The following ATG7 variants were observed in gnomAD, a reference collection of about 807,000 sequenced individuals.
The protein encoded by ATG7 is ubiquitin-like modifier-activating enzyme ATG7.
In ATG7, 70 loss-of-function variants were observed where a neutral mutation model predicts 82.4. The ratio of observed to expected loss-of-function variants is 0.85; its 90% CI spans 0.70 to 1.04. The LOEUF (loss-of-function observed/expected upper bound fraction) is 1.04, where lower values mean the gene tolerates loss of function less well. Among genes scored for constraint, ATG7 ranks in the 50% least tolerant of loss-of-function variants. The pLI is 0.00. For missense variants in ATG7, 792 were observed against 864.3 expected (o/e 0.92, Z 1.05); for synonymous variants, 287 against 313.0 (o/e 0.92, Z 0.88).
chr3:11,375,543 CTT>C (rs2077353224), intron 18 of ATG7, among the ~76,000 whole-genome samples: 1 of 138,306 alleles, frequency 7.2e-6, no homozygotes, highest in African/African-American at 2.6e-5. Context: ...AGCCCTCACA[CTT>C]TGCTAGTGAG....
At chr3:11,344,747 G>A (rs1451559120) in intron 13 of ATG7, among the ~76,000 whole-genome samples, 1 of 152,144 alleles carries the variant, frequency 6.6e-6, no homozygotes, top group African/African-American at 2.4e-5. Flanking sequence ...GCGCGTGCCT[G>A]TAGTTGCAGC....
chr3:11,560,385 A>G (rs1022384203), downstream of ATG7, among the ~76,000 whole-genome samples: 2 of 152,222 alleles, frequency 1.3e-5, no homozygotes, highest in African/African-American at 4.8e-5. Flanking sequence ...ATGTGGGCTA[A>G]GTTCCAGGAC....
intron 20 of ATG7, among the ~76,000 whole-genome samples, chr3:11,538,174 T>C (rs1338325734): frequency 1.3e-5 from 2 of 152,026 alleles, no homozygotes; most frequent in Non-Finnish European, 2.9e-5. Context: ...AGAGAGAGCA[T>C]GGGGGTTTTG....
intron 18 of ATG7, among the ~76,000 whole-genome samples, chr3:11,368,218 GT>G (rs1173807856): frequency 8.0e-6 from 1 of 125,002 alleles, no homozygotes; most frequent in African/African-American, 3.1e-5. Context: ...CATCAACAGT[GT>G]TCTTTTACTT....
At chr3:11,341,019 T>G (rs1953485411) in intron 12 of ATG7, among the ~76,000 whole-genome samples, 1 of 152,198 alleles carries the variant, frequency 6.6e-6, no homozygotes, top group Non-Finnish European at 1.5e-5. Flanking sequence ...GTTCAGTCCT[T>G]TATGCATTGT....
Position 11,315,446 on chromosome 3 carries a change from T to G in ATG7, c.631T>G (p.Ser211Ala). 6.2e-7 allele frequency: 1 copy of G among 1,612,500 alleles called. No individual in the cohort carries two copies. Among genetic ancestry groups the G allele is most frequent in the African/African-American group, 1.3e-5 (1 of 75,020 alleles). The change falls in exon 9 of 21, where the codon TCC becomes GCC. Residue 211 changes from serine to alanine, a missense_variant. Ser to Ala is a moderately conservative substitution (Grantham distance 99). Coordinates refer to ENST00000693202, the MANE Select transcript of ATG7 (RefSeq NM_001349232.2). ...IKYDENMVLV[S>A]LLKHYSDFFQ... Reference sequence around the variant, plus strand: ...GTATGATGAGAACATGGTGCTGGTTTCCTTGCTTAAACACTACAGTGATTT... The same window carrying G: ...GTATGATGAGAACATGGTGCTGGTTGCCTTGCTTAAACACTACAGTGATTT...
intron 20 of ATG7, among the ~76,000 whole-genome samples, chr3:11,539,169 C>A (rs1220931161): frequency 1.3e-5 from 2 of 152,018 alleles, no homozygotes; most frequent in African/African-American, 4.8e-5. Context: ...TGATGTGTAC[C>A]CTGCATCAGG....
intron 19 of ATG7, among the ~76,000 whole-genome samples, chr3:11,385,694 A>C (rs556676938): frequency 6.6e-6 from 1 of 152,328 alleles, no homozygotes; most frequent in Non-Finnish European, 1.5e-5. Context: ...GCAGAGGATG[A>C]CTTCTGAGTT....
intron 20 of ATG7, among the ~76,000 whole-genome samples, chr3:11,515,192 T>TGTCCC (rs2092230095): frequency 6.6e-6 from 1 of 152,172 alleles, no homozygotes; most frequent in Non-Finnish European, 1.5e-5. Context: ...TGAATTTTAG[T>TGTCCC]TTTAATTCAA....
intron 6 of ATG7, 110 bp downstream of exon 6, chr3:11,307,170 C>T (rs1427731710): frequency 6.4e-6 from 6 of 942,516 alleles, no homozygotes; most frequent in Non-Finnish European, 1.0e-5. Context: ...ATGAAGGGAA[C>T]TTAAAGACAC....
chr3:11,529,193 A>C (rs534789721), intron 20 of ATG7, among the ~76,000 whole-genome samples: 2 of 152,362 alleles, frequency 1.3e-5, no homozygotes, highest in East Asian at 3.9e-4. Context: ...GGGCACCTCC[A>C]AAGCCAGCCA....
In ATG7 at chr3:11,362,826, G is replaced by A. The variant is rs1222014699; in HGVS notation, c.1697G>A (p.Arg566Gln). Reference sequence around the variant, plus strand: ...GTTTCTTTGCAGTCAACCAGAGACCGGACCTTGGACCAGCAGTGCACTGTG... The same window carrying A: ...GTTTCTTTGCAGTCAACCAGAGACCAGACCTTGGACCAGCAGTGCACTGTG... Reference protein sequence around the residue: ...VVAPGDSTRDRTLDQQCTVSR... With the variant: ...VVAPGDSTRDQTLDQQCTVSR... Residue 566 changes from arginine (R) to glutamine (Q), a missense_variant, in exon 17 of 21, where the codon CGG becomes CAG. Transcript: ENST00000693202. 1.2e-6 allele frequency: 2 copies of A among 1,614,004 alleles called. No individual in the cohort carries two copies. Among genetic ancestry groups the A allele is most frequent in the Non-Finnish European group, 1.7e-6 (2 of 1,179,936 alleles).
intron 18 of ATG7, among the ~76,000 whole-genome samples, chr3:11,375,049 A>G (rs991670426): frequency 6.6e-6 from 1 of 151,832 alleles, no homozygotes; most frequent in African/African-American, 2.4e-5. Flanking sequence ...TAAAAAAAAA[A>G]AAAAAAATCA....
chr3:11,341,922 A>T lies in ATG7; in HGVS notation c.981-213A>T, dbSNP rs370728356. Among the ~76,000 whole-genome samples, 5 of 152,172 alleles carry T rather than the reference A, an allele frequency of 3.3e-5. No homozygotes were observed. In the South Asian group the frequency reaches 1.0e-3, roughly 32 times the overall value. On this transcript the variant is annotated intron_variant, in intron 12 of 20. Coordinates refer to ENST00000693202, the MANE Select transcript of ATG7 (RefSeq NM_001349232.2). ...ACCTTGGCTGCTGGAACTCAGTATC[A>T]AATCTGTGGCCCCCTCGTTGCAGAG...
chr3:11,380,193 C>G, intron 19 of ATG7, 141 bp downstream of exon 19: 2 of 717,558 alleles, frequency 2.8e-6, no homozygotes, highest in South Asian at 3.5e-5. Context: ...TCAGAAAGGA[C>G]TTTGTTTTCA....
chr3:11,455,730 T>C (rs1341762447), intron 20 of ATG7, among the ~76,000 whole-genome samples: 1 of 152,162 alleles, frequency 6.6e-6, no homozygotes, highest in Non-Finnish European at 1.5e-5. Flanking sequence ...CAGCCTAATA[T>C]CTTTAGTTCT....
At chr3:11,477,211 T>A in intron 20 of ATG7, 1 of 1,288,458 alleles carries the variant, frequency 7.8e-7, no homozygotes, top group African/African-American at 1.5e-5. Flanking sequence ...CAAGCACTTC[T>A]GTGAATGGAA....
chr3:11,456,301 A>G (rs1351937953), intron 20 of ATG7, among the ~76,000 whole-genome samples: 2 of 152,196 alleles, frequency 1.3e-5, no homozygotes, highest in African/African-American at 2.4e-5. Flanking sequence ...TGCATGTTGT[A>G]GCATTATCAG....
the ATG7 span, among the ~76,000 whole-genome samples, chr3:11,572,484 C>T: frequency 3.2e-3 from 480 of 152,316 alleles, no homozygotes; most frequent in Admixed American, 5.4e-3. Flanking sequence ...ATGATGAAAG[C>T]AGCAGAACAT....
Sources: allele counts gnomAD v4.1 joint callset (sites outside exome capture counted in the v4.1 genomes callset), GRCh38; gene constraint gnomAD v4.1.1; transcripts MANE v1.5; gene names NCBI Gene and HGNC (gene_info 2026-07-23, HGNC 2026-07-21).